Variants in TSHZ2 observed in about 807,000 individuals in gnomAD.
TSHZ2 encodes the protein teashirt zinc finger homeobox 2, also known as teashirt homolog 2.
TSHZ2 carries 21 observed loss-of-function variants against 74.4 expected under a neutral mutation model. The ratio of observed to expected loss-of-function variants is 0.28; its 90% CI spans 0.20 to 0.41. TSHZ2 has a LOEUF of 0.41. TSHZ2 is among the 10% of genes least tolerant of loss of function. TSHZ2 has a pLI of 1.00. For synonymous variants in TSHZ2, 540 were observed against 515.3 expected (o/e 1.05, Z -0.65); for missense variants, 1,244 against 1,293.5 (o/e 0.96, Z 0.59).
At chr20:53,344,576 A>C (rs935625366) in intron 2 of TSHZ2, among the ~76,000 whole-genome samples, 1 of 152,314 alleles carries the variant, frequency 6.6e-6, no homozygotes, top group African/African-American at 2.4e-5. Flanking sequence ...CAAAGAGAGA[A>C]GAAAAGAAGA....
chr20:53,197,404 T>C (rs1388313499), intron 1 of TSHZ2, among the ~76,000 whole-genome samples: 1 of 152,222 alleles, frequency 6.6e-6, no homozygotes, highest in Non-Finnish European at 1.5e-5. Flanking sequence ...AACAAAACTA[T>C]GTTTTCTTTT....
At chr20:53,001,268 GC>G (rs1982433068) in intron 1 of TSHZ2, among the ~76,000 whole-genome samples, 1 of 150,488 alleles carries the variant, frequency 6.6e-6, no homozygotes, top group Non-Finnish European at 1.5e-5. Context: ...GGGAGGGGGT[GC>G]TGATATTTTT....
chr20:53,327,293 T>C (rs972230988), intron 2 of TSHZ2, among the ~76,000 whole-genome samples: 5 of 152,240 alleles, frequency 3.3e-5, no homozygotes, highest in Non-Finnish European at 7.3e-5. Flanking sequence ...CTCAGGCCCC[T>C]GAGTAACTAA....
At chr20:53,189,598 A>T (rs1456404819) in intron 1 of TSHZ2, among the ~76,000 whole-genome samples, 1 of 152,240 alleles carries the variant, frequency 6.6e-6, no homozygotes, top group East Asian at 1.9e-4. Flanking sequence ...ACCACATATT[A>T]GTATCCTCAT....
At chr20:53,378,723 T>C (rs1981751153) in intron 2 of TSHZ2, among the ~76,000 whole-genome samples, 1 of 152,178 alleles carries the variant, frequency 6.6e-6, no homozygotes, top group African/African-American at 2.4e-5. Flanking sequence ...TATTTATTGA[T>C]CACAAAACTT....
At chr20:52,986,845 G>A (rs568559239) in intron 1 of TSHZ2, among the ~76,000 whole-genome samples, 57 of 152,042 alleles carry the variant, frequency 3.7e-4, no homozygotes, top group African/African-American at 1.2e-3. Context: ...ATAAAATTAC[G>A]GCAAGAAAAA....
chr20:53,244,828 T>G (rs965288229), intron 1 of TSHZ2, among the ~76,000 whole-genome samples: 1 of 152,216 alleles, frequency 6.6e-6, no homozygotes, highest in Non-Finnish European at 1.5e-5. Flanking sequence ...CTACGGAAGT[T>G]CCCGGCACAC....
intron 1 of TSHZ2, among the ~76,000 whole-genome samples, chr20:53,146,792 G>GAGGA (rs779984959): frequency 7.9e-5 from 12 of 152,174 alleles, no homozygotes; most frequent in Non-Finnish European, 1.6e-4. Context: ...CCAATACAGT[G>GAGGA]AGGAACAAAT....
intron 1 of TSHZ2, among the ~76,000 whole-genome samples, chr20:53,052,315 C>G (rs999342407): frequency 4.6e-5 from 7 of 152,136 alleles, no homozygotes; most frequent in South Asian, 2.1e-4. Context: ...AGTCCTTTGC[C>G]CATTAGGAGC....
intron 1 of TSHZ2, chr20:53,196,417 G>T (rs1310095479): frequency 1.4e-5 from 2 of 142,986 alleles, no homozygotes; most frequent in African/African-American, 5.2e-5. Flanking sequence ...ATTAGAATAC[G>T]CCACCTAGTG....
intron 2 of TSHZ2, among the ~76,000 whole-genome samples, chr20:53,323,558 G>A (rs1000895750): frequency 2.4e-5 from 3 of 124,394 alleles, no homozygotes; most frequent in Non-Finnish European, 5.1e-5. Context: ...CATTGCCTTG[G>A]AGGGCTTTTT....
At position 53,088,486 on chromosome 20, in the gene TSHZ2, A is replaced by T. The variant is rs185622478; in HGVS notation, c.40+115153A>T. 3.5e-4 allele frequency among the ~76,000 whole-genome samples: 54 copies of T among 152,348 alleles called. 2 individuals are homozygous for T. The highest frequency in any genetic ancestry group is 1.3e-3 in the African/African-American group (54 of 41,582). ...TTATGTGATTTGAATGGAATTGAGG[A>T]TCTCAGCGTTGGCCCTCCGTCCTGC... On this transcript the variant is annotated intron_variant, in intron 1 of 2. Transcript: ENST00000371497.
chr20:53,013,351 G>C (rs769844942), intron 1 of TSHZ2, among the ~76,000 whole-genome samples: 3 of 151,878 alleles, frequency 2.0e-5, no homozygotes, highest in African/African-American at 7.3e-5. Context: ...TTCTGAGCTC[G>C]AGCATTTTTT....
At position 53,230,365 on chromosome 20, in the gene TSHZ2, C is replaced by A. The variant is rs6022346; in HGVS notation, c.41-23134C>A. 3.8e-4 allele frequency among the ~76,000 whole-genome samples: 58 copies of A among 152,226 alleles called. 1 individual carries two copies. The highest frequency in any genetic ancestry group is 1.4e-3 in the African/African-American group (58 of 41,540). On this transcript the variant is annotated intron_variant, in intron 1 of 2. Coordinates refer to ENST00000371497, the MANE Select transcript of TSHZ2 (RefSeq NM_173485.6). ...GGCTTTATTTCTTCTCCTTTTCCCT[C>A]TCTCCTTCCTTCTCCTTTCCCTCAA... is the stretch of plus-strand genomic sequence containing the variant.
intron 2 of TSHZ2, among the ~76,000 whole-genome samples, chr20:53,332,080 T>A (rs1036200882): frequency 6.6e-5 from 10 of 151,852 alleles, no homozygotes; most frequent in Admixed American, 6.6e-5. Context: ...GAAGGCAGGG[T>A]GGGGAAGGGC....
At chr20:53,280,668 G>T (rs545361363) in intron 2 of TSHZ2, among the ~76,000 whole-genome samples, 202 of 125,448 alleles carry the variant, frequency 1.6e-3, no homozygotes, top group African/African-American at 4.1e-3. Context: ...TTTGTTTTTT[G>T]TTGTTGTTGT....
At chr20:53,041,566 C>T (rs370148243) in intron 1 of TSHZ2, among the ~76,000 whole-genome samples, 1 of 152,156 alleles carries the variant, frequency 6.6e-6, no homozygotes, top group African/African-American at 2.4e-5. Context: ...TCAAGGAAGA[C>T]TAGGGTCAAA....
chr20:53,419,039 G>A (rs1316059787), intron 2 of TSHZ2, among the ~76,000 whole-genome samples: 2 of 152,240 alleles, frequency 1.3e-5, no homozygotes, highest in Admixed American at 6.5e-5. Flanking sequence ...AGCAGCTCTT[G>A]TTGGGTGAAT....
At chr20:53,221,431 T>C (rs1403794986) in intron 1 of TSHZ2, among the ~76,000 whole-genome samples, 1 of 152,226 alleles carries the variant, frequency 6.6e-6, no homozygotes, top group Non-Finnish European at 1.5e-5. Context: ...CCACCTATTT[T>C]TGTTATCTTC....
Sources: gnomAD v4.1 joint callset for allele counts (sites outside exome capture counted in the v4.1 genomes callset) on GRCh38, gnomAD v4.1.1 for gene constraint, MANE v1.5 for transcripts, NCBI Gene and HGNC (gene_info 2026-07-23, HGNC 2026-07-21) for gene names.